The following PHKB variants were observed in gnomAD, a reference collection of about 807,000 sequenced individuals.
PHKB encodes the protein phosphorylase b kinase regulatory subunit beta.
In PHKB, 122 loss-of-function variants were observed where a neutral mutation model predicts 152.1. The observed-to-expected ratio is 0.80, with a 90% confidence interval of 0.69 to 0.93. The LOEUF is 0.93. Among genes scored for constraint, PHKB ranks in the 40% least tolerant of loss-of-function variants. The pLI, the probability that PHKB is intolerant of heterozygous loss-of-function variation, is 0.00. For synonymous variants in PHKB, 436 were observed against 464.9 expected (o/e 0.94, Z 0.80); for missense variants, 1,304 against 1,328.4 (o/e 0.98, Z 0.29).
intron 14 of PHKB, among the ~76,000 whole-genome samples, chr16:47,630,028 G>A (rs917293436): frequency 6.0e-5 from 9 of 150,532 alleles, no homozygotes; most frequent in Non-Finnish European, 1.2e-4. Context: ...CTGTTGTGGG[G>A]TCGGGGGAGG....
chr16:47,593,809 T>A (rs1972072903), intron 11 of PHKB, among the ~76,000 whole-genome samples: 1 of 152,234 alleles, frequency 6.6e-6, no homozygotes, highest in African/African-American at 2.4e-5. Flanking sequence ...ATATATTTTC[T>A]TCATATTTAC....
chr16:47,691,359 A>G (rs989325277), intron 27 of PHKB, among the ~76,000 whole-genome samples: 2 of 152,184 alleles, frequency 1.3e-5, no homozygotes, highest in African/African-American at 4.8e-5. Flanking sequence ...AATTAATAGT[A>G]TTGTATCATT....
At chr16:47,592,477 G>C (rs1352566708) in intron 10 of PHKB, among the ~76,000 whole-genome samples, 1 of 152,236 alleles carries the variant, frequency 6.6e-6, no homozygotes, top group Non-Finnish European at 1.5e-5. Context: ...TGCATCTGTG[G>C]TTTGTAACTG....
At position 47,500,651 on chromosome 16, in the gene PHKB, A is replaced by ATAG. The variant is rs1567281074; in HGVS notation, c.305+760_305+762dup. On this transcript the variant is annotated intron_variant, in intron 3 of 30. Transcript: ENST00000323584. Reference sequence around the variant, plus strand: ...TCTGGTTTTATCACTGCACTTCAGCATAGTATCTCTTATTAAGTTTGGTCA... The same window carrying ATAG: ...TCTGGTTTTATCACTGCACTTCAGCATAGTAGTATCTCTTATTAAGTTTGGTCA... Among the ~76,000 whole-genome samples the ATAG allele has an allele frequency of 2.6e-5, 4 of 152,284 alleles. No individual in the cohort carries two copies. In the South Asian group the frequency reaches 8.3e-4, roughly 32 times the overall value.
At chr16:47,688,720 A>G (rs1399765060) in intron 26 of PHKB, among the ~76,000 whole-genome samples, 1 of 150,774 alleles carries the variant, frequency 6.6e-6, no homozygotes, top group East Asian at 1.9e-4. Flanking sequence ...AGTGTTAAGA[A>G]AATACAGTGT....
intron 6 of PHKB, among the ~76,000 whole-genome samples, chr16:47,531,161 C>G (rs983680187): frequency 1.3e-5 from 2 of 152,202 alleles, no homozygotes; most frequent in Non-Finnish European, 1.5e-5. Context: ...TCCCGACACA[C>G]ACATACGTAT....
At chr16:47,587,601 C>T (rs1971956601) in intron 8 of PHKB, 67 bp from the exon 9 acceptor site, 1 of 1,220,950 alleles carries the variant, frequency 8.2e-7, no homozygotes. Context: ...TTTTCACAGT[C>T]AAAATGCCAA....
intron 14 of PHKB, among the ~76,000 whole-genome samples, chr16:47,620,566 T>C (rs917912170): frequency 6.6e-6 from 1 of 152,174 alleles, no homozygotes; most frequent in Non-Finnish European, 1.5e-5. Context: ...GTATAGGTAA[T>C]GCAGATGCTG....
intron 29 of PHKB, among the ~76,000 whole-genome samples, chr16:47,697,750 C>T (rs1974174557): frequency 6.6e-6 from 1 of 152,212 alleles, no homozygotes; most frequent in Non-Finnish European, 1.5e-5. Context: ...CCAATTATTG[C>T]ATATGCAGAT....
intron 25 of PHKB, chr16:47,665,553 AG>A (rs936780461): frequency 6.8e-6 from 2 of 295,408 alleles, no homozygotes; most frequent in Admixed American, 9.7e-5. Context: ...TTATAGAAAT[AG>A]GTCACATGTA....
chr16:47,621,343 C>G (rs1051987762), intron 14 of PHKB, among the ~76,000 whole-genome samples: 1 of 152,094 alleles, frequency 6.6e-6, no homozygotes, highest in African/African-American at 2.4e-5. Context: ...GTTATAAACC[C>G]CTCCTAATTT....
At chr16:47,671,464 G>T (rs1973636830) in intron 26 of PHKB, among the ~76,000 whole-genome samples, 1 of 151,740 alleles carries the variant, frequency 6.6e-6, no homozygotes, top group South Asian at 2.1e-4. Flanking sequence ...TTTACATTTT[G>T]ACCTATTTCT....
rs565708830 is a variant in PHKB, at chr16:47,639,843, C to A, written c.1459-1192C>A. Reference sequence around the variant, plus strand: ...CCTTTTAAAGCAGTAAATACTAGATCTCATCCAAGAGAAATAGGGCTTAAT... The same window carrying A: ...CCTTTTAAAGCAGTAAATACTAGATATCATCCAAGAGAAATAGGGCTTAAT... On this transcript the variant is annotated intron_variant, in intron 14 of 30. Transcript: ENST00000323584. Among the ~76,000 whole-genome samples the A allele has an allele frequency of 9.2e-5, 14 of 152,192 alleles. No individual in the cohort carries two copies. In the East Asian group the frequency reaches 2.7e-3, roughly 29 times the overall value.
In PHKB at chr16:47,547,479, G is replaced by A. The variant is rs1971193030; in HGVS notation, c.641G>A (p.Arg214His). Residue 214 changes from arginine to histidine, a missense_variant, in exon 7 of 31, where the codon CGT becomes CAT. Coordinates refer to ENST00000323584, the MANE Select transcript of PHKB (RefSeq NM_000293.3). ...NLVFCVERVYRVPDFGVWERG... is the reference protein window; with the variant it reads ...NLVFCVERVYHVPDFGVWERG... The stretch of plus-strand genomic sequence containing the variant: ...GTATTTTGTGTGGAAAGAGTTTACC[G>A]TGTGCCTGACTTTGGTGTCTGGGAA... The A allele has an allele frequency of 7.4e-6, 12 of 1,612,552 alleles. No homozygotes were observed. The highest frequency in any genetic ancestry group is 1.3e-5 in the African/African-American group (1 of 74,860).
intron 6 of PHKB, among the ~76,000 whole-genome samples, chr16:47,536,588 A>G (rs1424921603): frequency 6.6e-6 from 1 of 152,240 alleles, no homozygotes; most frequent in Non-Finnish European, 1.5e-5. Flanking sequence ...TTTATTATAT[A>G]GTAACCCCAG....
At chr16:47,663,329 T>C (rs923682037) in intron 23 of PHKB, among the ~76,000 whole-genome samples, 1 of 152,208 alleles carries the variant, frequency 6.6e-6, no homozygotes, top group Non-Finnish European at 1.5e-5. Flanking sequence ...CAGTATTTGT[T>C]CAATTGCTAA....
At chr16:47,514,747 G>A (rs776567735) in intron 5 of PHKB, among the ~76,000 whole-genome samples, 10 of 152,152 alleles carry the variant, frequency 6.6e-5, no homozygotes, top group Non-Finnish European at 1.5e-4. Flanking sequence ...GTTGTGGCAC[G>A]TACCTTTCCT....
intron 6 of PHKB, among the ~76,000 whole-genome samples, chr16:47,535,550 T>C (rs1970937270): frequency 6.6e-6 from 1 of 152,208 alleles, no homozygotes; most frequent in South Asian, 2.1e-4. Flanking sequence ...TTTAGTAACA[T>C]ATGGAGAGAG....
At chr16:47,681,342 G>T (rs1318534380) in intron 26 of PHKB, among the ~76,000 whole-genome samples, 1 of 148,458 alleles carries the variant, frequency 6.7e-6, no homozygotes, top group Non-Finnish European at 1.5e-5. Context: ...TTTCTGTCTC[G>T]TTGATCTGTC....
Sources: gnomAD v4.1 joint callset for allele counts (sites outside exome capture counted in the v4.1 genomes callset) on GRCh38, gnomAD v4.1.1 for gene constraint, MANE v1.5 for transcripts, NCBI Gene and HGNC (gene_info 2026-07-23, HGNC 2026-07-21) for gene names.